Variants in ABR observed in about 807,000 individuals in gnomAD.
The protein encoded by ABR is active breakpoint cluster region-related protein.
Under a neutral mutation model 107.2 loss-of-function variants are expected in ABR, and 35 were observed. The ratio of observed to expected loss-of-function variants is 0.33; its 90% CI spans 0.25 to 0.43. ABR has a LOEUF of 0.43. Among genes scored for constraint, ABR ranks in the 20% least tolerant of loss-of-function variants. The pLI is 1.00. For synonymous variants in ABR, 498 were observed against 462.0 expected (o/e 1.08, Z -1.00); for missense variants, 815 against 1,115.2 (o/e 0.73, Z 3.83).
chr17:1,052,107 A>G (rs558748421), intron 14 of ABR, among the ~76,000 whole-genome samples: 14 of 151,612 alleles, frequency 9.2e-5, no homozygotes, highest in African/African-American at 3.1e-4. Flanking sequence ...GCTTTCCTGC[A>G]GAAAGGACAG....
rs1322344838 is a variant in ABR, at chr17:1,056,056, T to C, written c.1540A>G (p.Lys514Glu). 2 of 1,614,084 alleles carry C rather than the reference T, an allele frequency of 1.2e-6. No homozygotes were observed. Among genetic ancestry groups the C allele is most frequent in the African/African-American group, 2.7e-5 (2 of 74,930 alleles). Residue 514 changes from lysine (K) to glutamate (E), a missense_variant, in exon 14 of 23, where the codon AAG becomes GAG. Physicochemically the swap from Lys to Glu is moderately conservative, Grantham distance 56. This residue lies in a region of ABR where 385 missense variants were observed against 596.9 expected (regional missense o/e 0.64). Transcript: ENST00000302538. ...TTACTGGCTGATTGCTTAAATCCCT[T>C]GGCAGAGTGGACGATGACATGAAGG... ...GFLHVIVHSA[K>E]GFKQSANLYC...
At chr17:1,109,157 G>GAGGA in intron 2 of ABR, 6 of 1,422,760 alleles carry the variant, frequency 4.2e-6, no homozygotes, top group Non-Finnish European at 3.8e-6. Context: ...GGGCGGGAGG[G>GAGGA]GGGGCAGGTC....
At chr17:1,112,613 G>GAGGAAGGA (rs533410394) in intron 2 of ABR, among the ~76,000 whole-genome samples, 167 of 84,536 alleles carry the variant, frequency 2.0e-3, no homozygotes, top group African/African-American at 0.011. Context: ...GGGAGGGAGG[G>GAGGAAGGA]AGGAAGGAAG....
At chr17:1,152,253 A>G (rs1466968860) in intron 1 of ABR, among the ~76,000 whole-genome samples, 1 of 149,904 alleles carries the variant, frequency 6.7e-6, no homozygotes, top group East Asian at 2.0e-4. Flanking sequence ...ACTGCGCTCC[A>G]GCCTGGGCTA....
chr17:1,165,910 G>A (rs955950993), intron 1 of ABR, among the ~76,000 whole-genome samples: 2 of 152,168 alleles, frequency 1.3e-5, no homozygotes, highest in Non-Finnish European at 2.9e-5. Flanking sequence ...GACCCCCAGT[G>A]CCTGGCAGCT....
intron 16 of ABR, among the ~76,000 whole-genome samples, chr17:1,030,711 CAG>C (rs764809010): frequency 1.3e-5 from 2 of 152,262 alleles, no homozygotes; most frequent in Non-Finnish European, 2.9e-5. Context: ...TAAGAGCCTG[CAG>C]AGAGGTCCTG....
rs141461422 is a variant in ABR at position 1,051,934 on chromosome 17, C to T, written c.1562-1300G>A. 6.6e-6 allele frequency among the ~76,000 whole-genome samples: 1 copy of T among 152,048 alleles called. No individual in the cohort carries two copies. The highest frequency in any genetic ancestry group is 1.5e-5 in the Non-Finnish European group (1 of 68,016). On this transcript the variant is annotated intron_variant, in intron 14 of 22. Transcript: ENST00000302538. This position sits in a 1 kb window ranked among gnomAD's most constrained non-coding sequence, Gnocchi z 4.3. ...ACTAAAAATACAAAAGTGAGCCCGGCGTGGTGGCACATGCCTGTAGTCCCA... is the reference window on the plus strand; with the variant it reads ...ACTAAAAATACAAAAGTGAGCCCGGTGTGGTGGCACATGCCTGTAGTCCCA...
Position 1,101,751 on chromosome 17 carries a change from A to T in ABR, c.247-1016T>A, listed in dbSNP as rs1376850673. Among the ~76,000 whole-genome samples, 1,192 of 131,512 alleles carry T rather than the reference A, an allele frequency of 9.1e-3. 13 individuals carry two copies. The highest frequency in any genetic ancestry group is 0.03 in the African/African-American group (1,054 of 34,732). 86.3% of individuals were successfully genotyped at this position (131,512 alleles called of 152,430 possible). A position where few individuals can be genotyped will look rare whatever the true frequency, so the allele number is the denominator to read the frequency against. On this transcript the variant is annotated intron_variant, in intron 2 of 22. Coordinates refer to ENST00000302538, the MANE Select transcript of ABR (RefSeq NM_021962.5). ...TATTTTTTCTTTTTTTTTTTTTTTT[A>T]GAGACGGAGTCTCGCTCTGTCGCCC... is the stretch of plus-strand genomic sequence containing the variant.
intron 16 of ABR, among the ~76,000 whole-genome samples, chr17:1,021,580 C>T (rs560041031): frequency 1.2e-4 from 19 of 152,090 alleles, no homozygotes; most frequent in Non-Finnish European, 2.4e-4. Context: ...CCGAGGCGGG[C>T]GGATCACAAG....
rs2032525184 is a variant in ABR, at chr17:1,051,532, C to T, written c.1562-898G>A. 6.6e-6 allele frequency among the ~76,000 whole-genome samples: 1 copy of T among 152,244 alleles called. No homozygotes were observed. The highest frequency in any genetic ancestry group is 1.5e-5 in the Non-Finnish European group (1 of 68,042). On this transcript the variant is annotated intron_variant, in intron 14 of 22. Transcript: ENST00000302538. The surrounding 1 kb of genome is among the most constrained non-coding windows in gnomAD (Gnocchi z 4.3). ...CCAACTGCTGAGGCCACAGCACCGG[C>T]ACGGACCCCAGGCCCTCTGCAAACC... is the stretch of plus-strand genomic sequence containing the variant.
At chr17:1,039,124 C>G (rs1026550577) in intron 16 of ABR, among the ~76,000 whole-genome samples, 2 of 152,170 alleles carry the variant, frequency 1.3e-5, no homozygotes, top group Admixed American at 1.3e-4. Context: ...TGTCGGGAGG[C>G]TGGATGTTCT....
At chr17:1,031,969 T>A in intron 16 of ABR, 2 of 783,774 alleles carry the variant, frequency 2.6e-6, no homozygotes, top group Non-Finnish European at 3.4e-6. Context: ...CAGCCCAGGC[T>A]GAGCGCCGCC....
chr17:1,190,943 C>T (rs2042417387), upstream of ABR, among the ~76,000 whole-genome samples: 1 of 152,200 alleles, frequency 6.6e-6, no homozygotes, highest in African/African-American at 2.4e-5. Context: ...ATTCTGGGCC[C>T]TCACGCTCCC....
rs573825746 is a variant in ABR at position 1,049,918 on chromosome 17, C to A, written c.1791+132G>T. ...CCTCTAGCAGGGAGGGGAGAACCAC[C>A]TCCTGGGAACTTTCCTCCAACCAGC... is the stretch of plus-strand genomic sequence containing the variant. On this transcript the variant is annotated intron_variant, in intron 16 of 22. Transcript: ENST00000302538. The A allele has an allele frequency of 1.5e-4, 199 of 1,307,116 alleles. 3 individuals carry two copies. In the South Asian group the frequency reaches 2.7e-3, roughly 18 times the overall value. The allele number at this position is 1,307,116 out of a possible 1,614,324, so 81.0% of individuals were successfully genotyped here.
rs1597973450 is a variant in ABR at position 1,148,045 on chromosome 17, T to C, written c.62-22678A>G. On this transcript the variant is annotated intron_variant, in intron 1 of 22. Coordinates refer to ENST00000302538, the MANE Select transcript of ABR (RefSeq NM_021962.5). The surrounding 1 kb of genome is among the most constrained non-coding windows in gnomAD (Gnocchi z 4.9). ...AGGCTGGTCAATGACCCACCCACTC[T>C]CCCCAGGCTGGTCAATGGGCCCACC... Among the ~76,000 whole-genome samples, 2 of 152,178 alleles carry C rather than the reference T, an allele frequency of 1.3e-5. 1 individual carries two copies.
chr17:1,038,360 A>C (rs1004979293), intron 16 of ABR, among the ~76,000 whole-genome samples: 1 of 152,198 alleles, frequency 6.6e-6, no homozygotes, highest in Non-Finnish European at 1.5e-5. Context: ...CTGAACCTGC[A>C]GCTCCAGTCG....
At chr17:1,012,066 C>G (rs758764555) in intron 18 of ABR, 81 bp from the exon 19 acceptor site, 1 of 1,595,058 alleles carries the variant, frequency 6.3e-7, no homozygotes, top group South Asian at 1.1e-5. Flanking sequence ...CACACACACA[C>G]CCTGGAGAGC....
chr17:1,073,940 G>A (rs28609191), intron 6 of ABR, among the ~76,000 whole-genome samples: 1 of 150,960 alleles, frequency 6.6e-6, no homozygotes, highest in Non-Finnish European at 1.5e-5. Context: ...GCTTCATCGA[G>A]AGCCGCCCCG....
At chr17:1,069,431 A>T in intron 9 of ABR, among the ~76,000 whole-genome samples, 1 of 152,188 alleles carries the variant, frequency 6.6e-6, no homozygotes, top group East Asian at 1.9e-4. Context: ...TGGGAGGCCG[A>T]GGCGGGCAGA....
Sources: gnomAD v4.1 joint callset for allele counts (sites outside exome capture counted in the v4.1 genomes callset) on GRCh38, gnomAD v4.1.1 for gene constraint, gnomAD v4.1.1 regional missense constraint, Gnocchi (gnomAD v3.1) non-coding constraint, MANE v1.5 for transcripts, NCBI Gene and HGNC (gene_info 2026-07-23, HGNC 2026-07-21) for gene names.